GRIN2A: variants seen among roughly 807,000 people sequenced by gnomAD.
GRIN2A encodes the protein glutamate receptor ionotropic, NMDA 2A.
Under a neutral mutation model 113.4 loss-of-function variants are expected in GRIN2A, and 22 were observed. The ratio of observed to expected loss-of-function variants is 0.19; its 90% CI spans 0.14 to 0.28. GRIN2A has a LOEUF of 0.28. GRIN2A is among the 10% of genes least tolerant of loss of function. GRIN2A has a pLI of 1.00. For synonymous variants in GRIN2A, 827 were observed against 738.4 expected, an observed-to-expected ratio of 1.12 and a Z score of -1.94; for missense variants, 1,502 against 1,887.0, an observed-to-expected ratio of 0.80 and a Z score of 3.78.
At chr16:9,785,929 G>C (rs1226298196) in intron 11 of GRIN2A, among the ~76,000 whole-genome samples, 1 of 152,166 alleles carries the variant, frequency 6.6e-6, no homozygotes. Context: ...AAGCTGCTCA[G>C]TTGTTCTTTG....
chr16:10,104,858 C>A (rs746281987), intron 2 of GRIN2A, among the ~76,000 whole-genome samples: 1 of 152,006 alleles, frequency 6.6e-6, no homozygotes, highest in African/African-American at 2.4e-5. Flanking sequence ...CCCTTGTGAG[C>A]GCAGAGTGTA....
chr16:10,176,705 G>C (rs542901151), intron 2 of GRIN2A, among the ~76,000 whole-genome samples: 2 of 129,504 alleles, frequency 1.5e-5, no homozygotes, highest in South Asian at 3.0e-4. Context: ...GTCATGGGGT[G>C]GGGGGAGGGG....
intron 3 of GRIN2A, among the ~76,000 whole-genome samples, chr16:9,894,047 C>G (rs914505498): frequency 2.0e-5 from 3 of 152,154 alleles, no homozygotes; most frequent in African/African-American, 7.2e-5. Flanking sequence ...GGGTCCCTAA[C>G]TCAACCTGGG....
intron 4 of GRIN2A, among the ~76,000 whole-genome samples, chr16:9,888,566 A>C (rs572229277): frequency 6.6e-5 from 10 of 152,014 alleles, no homozygotes; most frequent in Non-Finnish European, 1.5e-4. Flanking sequence ...TTGATCAAAA[A>C]TCATTTGAAT....
chr16:10,112,416 G>C (rs1282342415), intron 2 of GRIN2A: 2 of 726,852 alleles, frequency 2.8e-6, no homozygotes, highest in Non-Finnish European at 5.1e-6. Flanking sequence ...GGGCACTGCT[G>C]TGTACAAGGT....
intron 2 of GRIN2A, among the ~76,000 whole-genome samples, chr16:9,958,169 G>T (rs2045348921): frequency 6.6e-6 from 1 of 152,064 alleles, no homozygotes; most frequent in Admixed American, 6.5e-5. Context: ...ATTAAAATTG[G>T]CAATTGATGT....
intron 2 of GRIN2A, among the ~76,000 whole-genome samples, chr16:10,069,290 T>G (rs139095782): frequency 5.8e-4 from 88 of 152,294 alleles, no homozygotes; most frequent in South Asian, 2.7e-3. Context: ...AATTATACAT[T>G]GCACTAGACT....
At chr16:9,860,527 G>A (rs76988395) in intron 4 of GRIN2A, among the ~76,000 whole-genome samples, 1,991 of 151,766 alleles carry the variant, frequency 0.013, 32 homozygotes, top group East Asian at 0.055. Context: ...TTATCCTATG[G>A]GCAAGTGACA....
At chr16:9,873,983 C>T (rs932942306) in intron 4 of GRIN2A, among the ~76,000 whole-genome samples, 2 of 152,140 alleles carry the variant, frequency 1.3e-5, no homozygotes, top group Non-Finnish European at 2.9e-5. Flanking sequence ...AGTGAGAGGC[C>T]ATTGGTTTCT....
chr16:10,037,151 A>G (rs944545263), intron 2 of GRIN2A: 1 of 152,178 alleles, frequency 6.6e-6, no homozygotes, highest in Non-Finnish European at 1.5e-5. Flanking sequence ...GGTTAGCAGA[A>G]GTAATTTGCC....
At chr16:10,164,080 T>C (rs1018433105) in intron 2 of GRIN2A, among the ~76,000 whole-genome samples, 4 of 152,256 alleles carry the variant, frequency 2.6e-5, no homozygotes, top group African/African-American at 4.8e-5. Flanking sequence ...CTAGCTTGTT[T>C]ACTCACGTGG....
chr16:10,174,605 T>G (rs1295349374), intron 2 of GRIN2A, among the ~76,000 whole-genome samples: 3 of 152,128 alleles, frequency 2.0e-5, no homozygotes, highest in African/African-American at 7.2e-5. Context: ...GAGAAGAGTT[T>G]TTCATTATTT....
chr16:10,163,365 C>G (rs1438380428), intron 2 of GRIN2A, among the ~76,000 whole-genome samples: 1 of 152,218 alleles, frequency 6.6e-6, no homozygotes, highest in African/African-American at 2.4e-5. Flanking sequence ...TCAAAATGCT[C>G]TCAGCCCTAC....
At chr16:10,137,533 C>T (rs574459189) in intron 2 of GRIN2A, among the ~76,000 whole-genome samples, 12 of 152,296 alleles carry the variant, frequency 7.9e-5, no homozygotes, top group South Asian at 4.1e-4. Context: ...ACTTACAAAA[C>T]GGAGGACGAA....
intron 2 of GRIN2A, among the ~76,000 whole-genome samples, chr16:10,106,857 C>T (rs184145392): frequency 6.6e-6 from 1 of 152,240 alleles, no homozygotes; most frequent in East Asian, 1.9e-4. Context: ...GGAAGCTGGG[C>T]TGTGCAATAA....
At chr16:9,793,915 T>C (rs1310058300) in intron 11 of GRIN2A, among the ~76,000 whole-genome samples, 7 of 152,228 alleles carry the variant, frequency 4.6e-5, no homozygotes, top group Non-Finnish European at 7.3e-5. Context: ...TTTGCATTTA[T>C]ACATTTGTCA....
At chr16:10,113,630 C>A (rs1419659124) in intron 2 of GRIN2A, among the ~76,000 whole-genome samples, 1 of 152,164 alleles carries the variant, frequency 6.6e-6, no homozygotes, top group Non-Finnish European at 1.5e-5. Flanking sequence ...GTGAAACATG[C>A]AGCTTATACA....
chr16:10,070,146 C>A, intron 2 of GRIN2A, among the ~76,000 whole-genome samples: 1 of 152,234 alleles, frequency 6.6e-6, no homozygotes, highest in Non-Finnish European at 1.5e-5. Flanking sequence ...TCATCCTCAA[C>A]TCGGGGAAGT....
At chr16:10,118,755 A>C (rs2048775669) in intron 2 of GRIN2A, among the ~76,000 whole-genome samples, 1 of 152,224 alleles carries the variant, frequency 6.6e-6, no homozygotes, top group Non-Finnish European at 1.5e-5. Context: ...CTATGTGAAC[A>C]GGATCCTGAT....
Sources: allele counts gnomAD v4.1 joint callset (sites outside exome capture counted in the v4.1 genomes callset), GRCh38; gene constraint gnomAD v4.1.1; transcripts MANE v1.5; gene names NCBI Gene and HGNC (gene_info 2026-07-23, HGNC 2026-07-21).